Variants in GPM6A observed in about 807,000 individuals in gnomAD.
GPM6A encodes the protein glycoprotein M6A, also known as neuronal membrane glycoprotein M6-a.
A neutral mutation model predicts 32.1 loss-of-function variants in GPM6A; 7 were observed. The ratio of observed to expected loss-of-function variants is 0.22; its 90% CI spans 0.12 to 0.41. The LOEUF (loss-of-function observed/expected upper bound fraction) is 0.41, where lower values mean the gene tolerates loss of function less well. GPM6A is among the 10% of genes least tolerant of loss of function. GPM6A has a pLI of 1.00. For synonymous variants in GPM6A, 130 were observed against 123.4 expected (o/e 1.05, Z -0.35); for missense variants, 235 against 347.2 (o/e 0.68, Z 2.57).
intron 1 of GPM6A, among the ~76,000 whole-genome samples, chr4:175,933,026 AC>A (rs963968455): frequency 5.9e-5 from 9 of 151,934 alleles, no homozygotes; most frequent in Admixed American, 2.0e-4. Flanking sequence ...CTATAAAAAA[AC>A]ACCACACAAC....
chr4:175,864,883 T>G (rs2111427318), intron 1 of GPM6A, among the ~76,000 whole-genome samples: 1 of 151,374 alleles, frequency 6.6e-6, no homozygotes, highest in African/African-American at 2.4e-5. Flanking sequence ...CTCGGCTCAC[T>G]GCAACCTCTG....
chr4:175,791,677 T>C (rs1029316952), intron 1 of GPM6A, among the ~76,000 whole-genome samples: 1 of 152,156 alleles, frequency 6.6e-6, no homozygotes, highest in Non-Finnish European at 1.5e-5. Context: ...AAAATGATTG[T>C]ATCAGAATGA....
In GPM6A at chr4:175,838,090, A is replaced by AACAC. The variant is rs763166079; in HGVS notation, c.-22-25845_-22-25842dup. 8.4e-3 allele frequency among the ~76,000 whole-genome samples: 963 copies of AACAC among 114,926 alleles called. 9 individuals are homozygous for AACAC. Among genetic ancestry groups the AACAC allele is most frequent in the Non-Finnish European group, 0.012 (665 of 56,034 alleles). The allele number at this position is 114,926 out of a possible 152,430, so 75.4% of individuals were successfully genotyped here. A position where few individuals can be genotyped will look rare whatever the true frequency, so the allele number is the denominator to read the frequency against. On this transcript the variant is annotated intron_variant, in intron 1 of 7. Coordinates refer to the GPM6A transcript ENST00000280187. ...TAGCCGTTCAGTAGGCCTTGGTTAA[A>AACAC]ACACACACACACACACACACAGACA...
At chr4:175,648,422 A>G (rs1741597953) in intron 4 of GPM6A, among the ~76,000 whole-genome samples, 1 of 152,218 alleles carries the variant, frequency 6.6e-6, no homozygotes, top group Non-Finnish European at 1.5e-5. Context: ...TTGACAGAAA[A>G]TGGACTGCCA....
At chr4:175,637,364 A>G (rs34813966) in intron 6 of GPM6A, among the ~76,000 whole-genome samples, 17,719 of 63,342 alleles carry the variant, frequency 0.28, 3,627 homozygotes, top group East Asian at 0.39. Flanking sequence ...TATAATATAT[A>G]ACATATAATA....
intron 1 of GPM6A, among the ~76,000 whole-genome samples, chr4:175,715,675 A>G (rs1344762720): frequency 6.6e-6 from 1 of 151,718 alleles, no homozygotes; most frequent in African/African-American, 2.4e-5. Context: ...CTTTTTTTCC[A>G]TAACACTTAT....
At chr4:175,865,105 C>T (rs1736690565) in intron 1 of GPM6A, among the ~76,000 whole-genome samples, 1 of 152,174 alleles carries the variant, frequency 6.6e-6, no homozygotes, top group Non-Finnish European at 1.5e-5. Flanking sequence ...GTCACTGTGC[C>T]TGGTCTCATT....
chr4:175,827,740 C>G (rs1420088097), intron 1 of GPM6A, among the ~76,000 whole-genome samples: 3 of 152,176 alleles, frequency 2.0e-5, no homozygotes, highest in Non-Finnish European at 4.4e-5. Context: ...CCCTGTTCAT[C>G]CTCCATGACC....
chr4:175,979,471 C>A (rs1740759904), intron 1 of GPM6A, among the ~76,000 whole-genome samples: 1 of 152,168 alleles, frequency 6.6e-6, no homozygotes, highest in Non-Finnish European at 1.5e-5. Flanking sequence ...TCAATTCCCA[C>A]CTATGAGTGA....
chr4:175,663,342 TGGAATGTTA>T (rs1383724436), intron 3 of GPM6A, among the ~76,000 whole-genome samples: 2 of 152,130 alleles, frequency 1.3e-5, no homozygotes, highest in Non-Finnish European at 2.9e-5. Flanking sequence ...ATCTGGACAA[TGGAATGTTA>T]GTCCATGCTA....
chr4:175,702,387 T>C (rs1319108972), intron 1 of GPM6A, among the ~76,000 whole-genome samples: 2 of 152,238 alleles, frequency 1.3e-5, no homozygotes, highest in Non-Finnish European at 2.9e-5. Context: ...TTAACTATAA[T>C]TTCCCTACTA....
At chr4:175,951,462 C>A (rs1739809265) in intron 1 of GPM6A, among the ~76,000 whole-genome samples, 2 of 152,122 alleles carry the variant, frequency 1.3e-5, no homozygotes, top group Non-Finnish European at 2.9e-5. Flanking sequence ...GCCTATAAGT[C>A]CGAAATTTCT....
chr4:175,828,176 A>T (rs975590745), intron 1 of GPM6A, among the ~76,000 whole-genome samples: 1 of 152,180 alleles, frequency 6.6e-6, no homozygotes, highest in African/African-American at 2.4e-5. Context: ...GGTCAGTTCT[A>T]TACTTGCTCA....
At chr4:175,661,645 A>T (rs1165161704) in intron 3 of GPM6A, among the ~76,000 whole-genome samples, 1 of 152,184 alleles carries the variant, frequency 6.6e-6, no homozygotes, top group African/African-American at 2.4e-5. Flanking sequence ...AAAGTTGCGC[A>T]AGACCAGAAA....
intron 1 of GPM6A, among the ~76,000 whole-genome samples, chr4:175,706,919 T>C (rs560243677): frequency 1.3e-5 from 2 of 152,360 alleles, no homozygotes; most frequent in African/African-American, 4.8e-5. Flanking sequence ...GGTCATTATA[T>C]GCTAATTATA....
chr4:175,706,669 G>A (rs1204316277), intron 1 of GPM6A, among the ~76,000 whole-genome samples: 1 of 152,176 alleles, frequency 6.6e-6, no homozygotes, highest in Non-Finnish European at 1.5e-5. Flanking sequence ...GTCTATCACT[G>A]TGTCAGAGGT....
At chr4:175,931,671 T>TACACACAC (rs376901123) in intron 1 of GPM6A, among the ~76,000 whole-genome samples, 20 of 136,592 alleles carry the variant, frequency 1.5e-4, no homozygotes, top group African/African-American at 3.7e-4. Flanking sequence ...TTAAAAAATA[T>TACACACAC]ACACACACAC....
intron 1 of GPM6A, among the ~76,000 whole-genome samples, chr4:175,881,979 TAAAATATAATAA>T (rs1373751441): frequency 9.9e-5 from 15 of 151,882 alleles, no homozygotes; most frequent in African/African-American, 3.4e-4. Context: ...CCCTAGAAGT[TAAAATATAATAA>T]AAAATATAAT....
At chr4:175,906,391 C>G (rs966854152) in intron 1 of GPM6A, among the ~76,000 whole-genome samples, 1 of 152,074 alleles carries the variant, frequency 6.6e-6, no homozygotes, top group South Asian at 2.1e-4. Context: ...TTGGTTTTGG[C>G]TTTTGATTTA....
Sources: allele counts gnomAD v4.1 joint callset (sites outside exome capture counted in the v4.1 genomes callset), GRCh38; gene constraint gnomAD v4.1.1; transcripts MANE v1.5; gene names NCBI Gene and HGNC (gene_info 2026-07-23, HGNC 2026-07-21).